The following HECW2 variants were observed in gnomAD, a reference collection of about 807,000 sequenced individuals.
The protein encoded by HECW2 is HECT, C2 and WW domain containing E3 ubiquitin protein ligase 2.
Under a neutral mutation model 175.2 loss-of-function variants are expected in HECW2, and 61 were observed. The ratio of observed to expected loss-of-function variants is 0.35; its 90% CI spans 0.28 to 0.43. The LOEUF (loss-of-function observed/expected upper bound fraction) is 0.43, where lower values mean the gene tolerates loss of function less well. HECW2 is among the 20% of genes least tolerant of loss of function. HECW2 has a pLI of 1.00. For missense variants in HECW2, 1,524 were observed against 2,000.5 expected, an observed-to-expected ratio of 0.76 and a Z score of 4.54; for synonymous variants, 671 against 731.0, an observed-to-expected ratio of 0.92 and a Z score of 1.32.
At position 196,304,164 on chromosome 2, in the gene HECW2, T is replaced by G. The variant is rs570283965; in HGVS notation, c.2814+2324A>C. 2.6e-5 allele frequency among the ~76,000 whole-genome samples: 4 copies of G among 152,304 alleles called. No individual in the cohort carries two copies. In the South Asian group the frequency reaches 8.3e-4, roughly 32 times the overall value. The stretch of plus-strand genomic sequence containing the variant: ...CCTTCTGTAGCCCTGCACGCTTCCC[T>G]GACCATATTATGTGCCACAGAAAAC... On this transcript the variant is annotated intron_variant, in intron 13 of 28. Transcript: ENST00000644978.
chr2:196,394,056 A>G (rs13416356), intron 2 of HECW2, among the ~76,000 whole-genome samples: 117,354 of 151,636 alleles, frequency 0.77, 46,096 homozygotes, highest in East Asian at 0.86. Flanking sequence ...CACAAGGACA[A>G]AAACACCACA....
At chr2:196,213,939 G>A (rs1401933860) in intron 28 of HECW2, among the ~76,000 whole-genome samples, 3 of 152,196 alleles carry the variant, frequency 2.0e-5, no homozygotes, top group African/African-American at 7.2e-5. Context: ...CCCAGAGTTA[G>A]CTGGTGGCAG....
In HECW2 at chr2:196,404,751, C is replaced by A. The variant is rs191984834; in HGVS notation, c.292+28381G>T. Among the ~76,000 whole-genome samples the A allele has an allele frequency of 3.2e-4, 49 of 151,968 alleles. 2 individuals carry two copies. The highest frequency in any genetic ancestry group is 2.7e-3 in the East Asian group (14 of 5,178). ...AGTTATCAATTTCCTCCTTATCCTG[C>A]CAGATTCCCTGATCCATTCTTATAA... is the stretch of plus-strand genomic sequence containing the variant. On this transcript the variant is annotated intron_variant, in intron 2 of 28. Transcript: ENST00000644978.
intron 2 of HECW2, among the ~76,000 whole-genome samples, chr2:196,360,886 T>G (rs762352166): frequency 1.3e-5 from 2 of 152,210 alleles, no homozygotes; most frequent in South Asian, 4.1e-4. Context: ...TTCACTAAAC[T>G]GTGCTCAATG....
intron 14 of HECW2, among the ~76,000 whole-genome samples, chr2:196,285,319 A>C (rs1559011059): frequency 6.6e-6 from 1 of 152,240 alleles, no homozygotes; most frequent in African/African-American, 2.4e-5. Flanking sequence ...ATACATATTA[A>C]AAGGCTATAT....
At chr2:196,279,293 C>T (rs181291476) in intron 14 of HECW2, among the ~76,000 whole-genome samples, 18 of 152,310 alleles carry the variant, frequency 1.2e-4, no homozygotes, top group Admixed American at 5.2e-4. Context: ...CGTGATCTGC[C>T]TGCCTTGGCC....
chr2:196,219,959 C>T, intron 26 of HECW2, 80 bp downstream of exon 26: 1 of 897,342 alleles, frequency 1.1e-6, no homozygotes, highest in Non-Finnish European at 1.8e-6. Flanking sequence ...GTTGCCTGTC[C>T]TATATTCAGT....
chr2:196,571,359 T>C (rs1198504713), intron 1 of HECW2, among the ~76,000 whole-genome samples: 1 of 152,178 alleles, frequency 6.6e-6, no homozygotes, highest in Non-Finnish European at 1.5e-5. Flanking sequence ...TACTGAAGAA[T>C]GTATCAAAAA....
chr2:196,207,058 T>C (rs1687093962), intron 28 of HECW2, among the ~76,000 whole-genome samples: 1 of 152,146 alleles, frequency 6.6e-6, no homozygotes, highest in Non-Finnish European at 1.5e-5. Flanking sequence ...TCAGGAAACC[T>C]GAGAGGGGCA....
chr2:196,248,623 C>CAGAGAG lies in HECW2; in HGVS notation c.3529+5296_3529+5297insCTCTCT, dbSNP rs10641361. ...ACACACACACACACACACACACACA[C>CAGAGAG]ACACACACAGAGAGAGACAGAGAGG... is the stretch of plus-strand genomic sequence containing the variant. On this transcript the variant is annotated intron_variant, in intron 19 of 28. Transcript: ENST00000644978. Among the ~76,000 whole-genome samples, 332 of 148,450 alleles carry CAGAGAG rather than the reference C, an allele frequency of 2.2e-3. 1 individual carries two copies. Among genetic ancestry groups the CAGAGAG allele is most frequent in the African/African-American group, 7.1e-3 (275 of 38,692 alleles).
At chr2:196,369,679 C>A (rs533356770) in intron 2 of HECW2, among the ~76,000 whole-genome samples, 1 of 152,216 alleles carries the variant, frequency 6.6e-6, no homozygotes, top group African/African-American at 2.4e-5. Context: ...GAGTAGGAAA[C>A]CTTAGGAATA....
intron 1 of HECW2, among the ~76,000 whole-genome samples, chr2:196,549,928 G>A (rs1689553434): frequency 6.6e-6 from 1 of 152,198 alleles, no homozygotes; most frequent in African/African-American, 2.4e-5. Flanking sequence ...CAAGGTAAAG[G>A]TGAAAGAGGG....
At chr2:196,476,362 G>T (rs1686615023) in intron 1 of HECW2, among the ~76,000 whole-genome samples, 1 of 150,608 alleles carries the variant, frequency 6.6e-6, no homozygotes, top group South Asian at 2.1e-4. Context: ...AGAATCACTT[G>T]AACCCAGGAG....
rs545791743 is a variant in HECW2, at chr2:196,240,766, G to A, written c.3651-204C>T. On this transcript the variant is annotated intron_variant, in intron 20 of 28. Coordinates refer to ENST00000644978, the MANE Select transcript of HECW2 (RefSeq NM_001348768.2). ...CAAAAGTTACATGAGAGAATCATTGGTAGAGTACCCTACCTATGACCAGTG... is the reference window on the plus strand; with the variant it reads ...CAAAAGTTACATGAGAGAATCATTGATAGAGTACCCTACCTATGACCAGTG... Among the ~76,000 whole-genome samples the A allele has an allele frequency of 8.9e-3, 1,341 of 149,916 alleles. 14 individuals carry two copies. The highest frequency in any genetic ancestry group is 0.031 in the African/African-American group (1,242 of 39,766).
chr2:196,261,180 G>C (rs1689276923), intron 17 of HECW2, among the ~76,000 whole-genome samples: 1 of 152,152 alleles, frequency 6.6e-6, no homozygotes, highest in Admixed American at 6.5e-5. Context: ...TTCTCTTACA[G>C]TATTAACTTG....
At chr2:196,498,749 T>G (rs1377524983) in intron 1 of HECW2, among the ~76,000 whole-genome samples, 1 of 152,198 alleles carries the variant, frequency 6.6e-6, no homozygotes, top group African/African-American at 2.4e-5. Flanking sequence ...AGTCATTGTT[T>G]TATAGCTTGC....
intron 13 of HECW2, among the ~76,000 whole-genome samples, chr2:196,299,653 G>A (rs1488415733): frequency 6.6e-6 from 1 of 152,220 alleles, no homozygotes; most frequent in African/African-American, 2.4e-5. Flanking sequence ...CCTTGGGCCT[G>A]GCGCAGTGGC....
chr2:196,312,440 T>G (rs774044594), intron 10 of HECW2, among the ~76,000 whole-genome samples: 1 of 152,236 alleles, frequency 6.6e-6, no homozygotes, highest in Non-Finnish European at 1.5e-5. Context: ...ATAAGCTTTG[T>G]GATAAATGAC....
intron 1 of HECW2, among the ~76,000 whole-genome samples, chr2:196,473,773 T>C (rs1208924368): frequency 6.6e-6 from 1 of 152,206 alleles, no homozygotes; most frequent in East Asian, 1.9e-4. Flanking sequence ...ATAAATCACT[T>C]GAAAAGCCCA....
Sources: gnomAD v4.1 joint callset for allele counts (sites outside exome capture counted in the v4.1 genomes callset) on GRCh38, gnomAD v4.1.1 for gene constraint, MANE v1.5 for transcripts, NCBI Gene and HGNC (gene_info 2026-07-23, HGNC 2026-07-21) for gene names.